The following RABGAP1L variants were observed in gnomAD, a reference collection of about 807,000 sequenced individuals.
RABGAP1L encodes the protein RAB GTPase activating protein 1 like.
A neutral mutation model predicts 137.7 loss-of-function variants in RABGAP1L; 63 were observed. The ratio of observed to expected loss-of-function variants is 0.46; its 90% confidence interval spans 0.37 to 0.56. The LOEUF is 0.56. Among genes scored for constraint, RABGAP1L ranks in the 20% least tolerant of loss-of-function variants. RABGAP1L has a pLI of 0.00. For missense variants in RABGAP1L, 1,095 were observed against 1,244.0 expected, an observed-to-expected ratio of 0.88 and a Z score of 1.80; for synonymous variants, 431 against 433.7, an observed-to-expected ratio of 0.99 and a Z score of 0.08.
chr1:174,815,142 C>G (rs1207968588), intron 19 of RABGAP1L, among the ~76,000 whole-genome samples: 1 of 152,174 alleles, frequency 6.6e-6, no homozygotes, highest in Non-Finnish European at 1.5e-5. Flanking sequence ...CTACCACCTC[C>G]CCGTTCCCCA....
intron 19 of RABGAP1L, among the ~76,000 whole-genome samples, chr1:174,926,839 C>T (rs998644831): frequency 6.6e-6 from 1 of 151,816 alleles, no homozygotes; most frequent in Non-Finnish European, 1.5e-5. Context: ...CTTTGGGAGG[C>T]CTAGGCAGGT....
chr1:174,426,813 A>C (rs1008941657), intron 13 of RABGAP1L, among the ~76,000 whole-genome samples: 2 of 152,116 alleles, frequency 1.3e-5, no homozygotes, highest in Non-Finnish European at 2.9e-5. Context: ...TATTTATTCT[A>C]AAAAAGCTTT....
intron 14 of RABGAP1L, among the ~76,000 whole-genome samples, chr1:174,643,441 T>C (rs983850591): frequency 2.0e-5 from 3 of 152,164 alleles, no homozygotes; most frequent in Non-Finnish European, 2.9e-5. Flanking sequence ...TGCCAGCACA[T>C]TCTAATGAGC....
intron 1 of RABGAP1L, among the ~76,000 whole-genome samples, chr1:174,194,203 G>A (rs557116746): frequency 2.6e-5 from 4 of 151,938 alleles, no homozygotes; most frequent in African/African-American, 7.2e-5. Context: ...TGGTGGTGGT[G>A]GAGAATCTAC....
At chr1:174,252,163 G>A (rs989053878) in intron 6 of RABGAP1L, among the ~76,000 whole-genome samples, 6 of 152,164 alleles carry the variant, frequency 3.9e-5, no homozygotes, top group African/African-American at 1.4e-4. Flanking sequence ...CCAAAGTGCT[G>A]GGATTACAGG....
chr1:174,331,501 A>G (rs1168311838), intron 11 of RABGAP1L, among the ~76,000 whole-genome samples: 1 of 152,232 alleles, frequency 6.6e-6, no homozygotes, highest in Non-Finnish European at 1.5e-5. Context: ...TTCTCCAAAG[A>G]TGACATACAA....
At chr1:174,472,513 G>C (rs1214969887) in intron 13 of RABGAP1L, among the ~76,000 whole-genome samples, 7 of 152,178 alleles carry the variant, frequency 4.6e-5, no homozygotes, top group African/African-American at 2.4e-5. Context: ...ACGGTGAAAA[G>C]ATACAAAGCA....
intron 17 of RABGAP1L, among the ~76,000 whole-genome samples, chr1:174,706,535 C>T (rs1001512595): frequency 1.2e-4 from 18 of 151,872 alleles, no homozygotes; most frequent in South Asian, 2.1e-4. Context: ...ATTAACCTAT[C>T]GATAATAAAA....
At chr1:174,317,683 T>C (rs1291595934) in intron 11 of RABGAP1L, among the ~76,000 whole-genome samples, 2 of 152,208 alleles carry the variant, frequency 1.3e-5, no homozygotes, top group Non-Finnish European at 2.9e-5. Context: ...CCCAGTCCAC[T>C]GTCTCTGGGC....
Position 174,622,309 on chromosome 1 carries a change from A to G in RABGAP1L, c.1711-15066A>G, listed in dbSNP as rs568984544. On this transcript the variant is annotated intron_variant, in intron 13 of 25. Transcript: ENST00000681986. ...AAGTCAGTGTGGTGATTCCTCAAGG[A>G]TCTAGAACTAGGAATACCATTTGAC... 3.2e-4 allele frequency among the ~76,000 whole-genome samples: 48 copies of G among 152,350 alleles called. No individual in the cohort carries two copies. In the South Asian group the frequency reaches 3.7e-3, roughly 12 times the overall value.
At chr1:174,348,602 G>A (rs1305094932) in intron 11 of RABGAP1L, among the ~76,000 whole-genome samples, 1 of 145,002 alleles carries the variant, frequency 6.9e-6, no homozygotes, top group African/African-American at 2.6e-5. Flanking sequence ...AGAGGACCCT[G>A]CGGCCTTCCG....
At chr1:174,925,354 C>CAAAAAAAAA (rs545791515) in intron 19 of RABGAP1L, among the ~76,000 whole-genome samples, 1 of 54,780 alleles carries the variant, frequency 1.8e-5, no homozygotes. Context: ...GACTCCGTCT[C>CAAAAAAAAA]AAAAAAAAAA....
chr1:174,589,858 G>A (rs1328583871), intron 13 of RABGAP1L, among the ~76,000 whole-genome samples: 1 of 152,128 alleles, frequency 6.6e-6, no homozygotes, highest in East Asian at 1.9e-4. Flanking sequence ...TTTGGTTGCA[G>A]TAGCTCTGTA....
chr1:174,188,729 T>A (rs1558015190), intron 1 of RABGAP1L, among the ~76,000 whole-genome samples: 1 of 152,242 alleles, frequency 6.6e-6, no homozygotes, highest in Non-Finnish European at 1.5e-5. Flanking sequence ...TCTTTTTTCC[T>A]GAGCAGTGGG....
chr1:174,438,744 G>GTGTGTATATATATATATATA (rs1161311071), intron 13 of RABGAP1L, among the ~76,000 whole-genome samples: 2 of 95,454 alleles, frequency 2.1e-5, no homozygotes, highest in African/African-American at 9.5e-5. Flanking sequence ...GTGTGTGTGT[G>GTGTGTATATATATATATATA]TATATATATA....
At chr1:174,232,632 A>G (rs987397717) in intron 4 of RABGAP1L, among the ~76,000 whole-genome samples, 1 of 151,656 alleles carries the variant, frequency 6.6e-6, no homozygotes, top group East Asian at 1.9e-4. Flanking sequence ...AAATACAAAA[A>G]ATTAGCTGGG....
intron 13 of RABGAP1L, among the ~76,000 whole-genome samples, chr1:174,559,667 T>C (rs1360502939): frequency 6.6e-6 from 1 of 152,214 alleles, no homozygotes; most frequent in Non-Finnish European, 1.5e-5. Flanking sequence ...TTCACGTCTT[T>C]CCTAAATGGT....
At chr1:174,197,831 T>C (rs985802625) in intron 1 of RABGAP1L, among the ~76,000 whole-genome samples, 2 of 152,032 alleles carry the variant, frequency 1.3e-5, no homozygotes, top group Non-Finnish European at 2.9e-5. Flanking sequence ...GTGTGTGTTA[T>C]GTAGATATTC....
chr1:174,308,116 G>A (rs1476746568), intron 11 of RABGAP1L, among the ~76,000 whole-genome samples: 1 of 151,842 alleles, frequency 6.6e-6, no homozygotes, highest in Non-Finnish European at 1.5e-5. Context: ...GTCTTCTTTT[G>A]AGAAATGTCT....
Sources: gnomAD v4.1 joint callset for allele counts (sites outside exome capture counted in the v4.1 genomes callset) on GRCh38, gnomAD v4.1.1 for gene constraint, MANE v1.5 for transcripts, NCBI Gene and HGNC (gene_info 2026-07-23, HGNC 2026-07-21) for gene names.